SRGAP3: variants seen among roughly 807,000 people sequenced by gnomAD.
SRGAP3 encodes the protein SLIT-ROBO Rho GTPase activating protein 3.
A neutral mutation model predicts 121.1 loss-of-function variants in SRGAP3; 39 were observed. That is an observed-to-expected ratio of 0.32 (90% CI 0.25 to 0.42). The LOEUF is 0.42. Ranked by LOEUF, SRGAP3 falls within the 10% of genes least tolerant of loss-of-function variation. The pLI, the probability that SRGAP3 is intolerant of heterozygous loss-of-function variation, is 1.00. For missense variants in SRGAP3, 1,213 were observed against 1,470.6 expected (o/e 0.82, Z 2.86); for synonymous variants, 601 against 570.0 (o/e 1.05, Z -0.77).
chr3:9,088,126 C>A (rs1424934285), intron 3 of SRGAP3, among the ~76,000 whole-genome samples: 1 of 152,180 alleles, frequency 6.6e-6, no homozygotes, highest in East Asian at 1.9e-4. Context: ...TGATCTCCAG[C>A]GACACCATAC....
rs200724802 is a variant in SRGAP3, at chr3:8,993,040, G to A, written c.2424C>T (p.Ser808=). 3.3e-5 allele frequency: 53 copies of A among 1,614,128 alleles called. No homozygotes were observed. Among genetic ancestry groups the A allele is most frequent in the African/African-American group, 6.7e-5 (5 of 75,046 alleles). ...TGTCAGCCTTCTGGCTCAGGCTGTC[G>A]GAGAAGGCATCATCCCTGGGGAGAA... ...IVVQDMDDAF[S]DSLSQKADSE... Residue 808 remains serine (S), a synonymous_variant, in exon 20 of 22, where the codon TCC becomes TCT. Transcript: ENST00000383836.
intron 1 of SRGAP3, chr3:9,193,900 C>T (rs1951839936): frequency 6.6e-6 from 1 of 152,296 alleles, no homozygotes; most frequent in Non-Finnish European, 1.5e-5. Context: ...GCTGCAGCCG[C>T]CCTCGGAGGC....
intron 1 of SRGAP3, among the ~76,000 whole-genome samples, chr3:9,247,761 G>A (rs953561355): frequency 3.9e-5 from 6 of 152,212 alleles, no homozygotes; most frequent in Non-Finnish European, 8.8e-5. Context: ...TTCTAGGAGA[G>A]GCCACAACAC....
chr3:9,200,029 G>C (rs1952025268), intron 1 of SRGAP3, among the ~76,000 whole-genome samples: 1 of 152,226 alleles, frequency 6.6e-6, no homozygotes, highest in African/African-American at 2.4e-5. Context: ...TAGTAACCAG[G>C]AAAATGGCAT....
At chr3:9,044,471 A>G (rs1291652090) in intron 10 of SRGAP3, among the ~76,000 whole-genome samples, 1 of 152,246 alleles carries the variant, frequency 6.6e-6, no homozygotes, top group Non-Finnish European at 1.5e-5. Context: ...CGTGCTCATC[A>G]TGCTACTCAG....
chr3:9,135,063 C>T (rs1949593714), intron 1 of SRGAP3, among the ~76,000 whole-genome samples: 1 of 152,154 alleles, frequency 6.6e-6, no homozygotes, highest in Non-Finnish European at 1.5e-5. Context: ...CCAACACAGT[C>T]GCCACTAGCC....
Position 9,080,057 on chromosome 3 carries a change from C to A in SRGAP3, c.454G>T (p.Glu152Ter), listed in dbSNP as rs1286607543. Residue 152 changes from glutamate (E) to a stop codon, truncating the protein, a stop_gained, in exon 4 of 22, where the codon GAG (glutamate) becomes TAG (stop). Coordinates refer to ENST00000383836, the MANE Select transcript of SRGAP3 (RefSeq NM_014850.4). LOFTEE classifies it high-confidence loss of function. The stretch of plus-strand genomic sequence containing the variant: ...AGCTCATTGGTCACCTTCAGGAGCT[C>A]CTCGTGCATCTGCAGGCCAATCTCC... Reference protein sequence around the residue: ...SKEIGLQMHEELLKVTNELYT... With the variant: ...SKEIGLQMHE 4 of 1,589,276 alleles carry A rather than the reference C, an allele frequency of 2.5e-6. No homozygotes were observed. The highest frequency in any genetic ancestry group is 3.4e-6 in the Non-Finnish European group (4 of 1,167,198).
chr3:9,284,832 C>CAAA (rs368751790), intron 3 of SRGAP3, among the ~76,000 whole-genome samples: 16 of 111,402 alleles, frequency 1.4e-4, no homozygotes, highest in South Asian at 3.2e-4. Context: ...GAGTCTGCCT[C>CAAA]AAAAAAAAAA....
At chr3:9,131,146 C>T (rs1035675682) in intron 1 of SRGAP3, among the ~76,000 whole-genome samples, 3 of 152,222 alleles carry the variant, frequency 2.0e-5, no homozygotes, top group African/African-American at 7.2e-5. Context: ...GGGTTTTCTC[C>T]TTGAAGATTT....
At chr3:9,028,299 C>A (rs954717807) in intron 12 of SRGAP3, among the ~76,000 whole-genome samples, 3 of 152,320 alleles carry the variant, frequency 2.0e-5, no homozygotes, top group African/African-American at 7.2e-5. Flanking sequence ...GTGGGGAGAG[C>A]CACCCTCAAG....
At chr3:9,157,777 T>A (rs115907770) in intron 1 of SRGAP3, among the ~76,000 whole-genome samples, 1 of 152,236 alleles carries the variant, frequency 6.6e-6, no homozygotes, top group Non-Finnish European at 1.5e-5. Flanking sequence ...GGACAACTTA[T>A]ACATCTATAA....
chr3:9,069,002 T>C (rs939813645), intron 4 of SRGAP3, among the ~76,000 whole-genome samples: 3 of 152,214 alleles, frequency 2.0e-5, no homozygotes, highest in Admixed American at 2.0e-4. Context: ...ATCCCTGCTT[T>C]ACAGATGAGA....
At chr3:9,206,542 A>G (rs1357539358) in intron 1 of SRGAP3, among the ~76,000 whole-genome samples, 1 of 151,620 alleles carries the variant, frequency 6.6e-6, no homozygotes. Context: ...CTCATCTTCT[A>G]TTTCTCTCCC....
At chr3:9,120,876 G>A (rs1948980794) in intron 2 of SRGAP3, among the ~76,000 whole-genome samples, 1 of 152,222 alleles carries the variant, frequency 6.6e-6, no homozygotes, top group Non-Finnish European at 1.5e-5. Flanking sequence ...AGGGAACTCA[G>A]CCCAGGTGAG....
chr3:9,015,960 C>G, intron 14 of SRGAP3: 1 of 566,092 alleles, frequency 1.8e-6, no homozygotes, highest in South Asian at 2.1e-5. Flanking sequence ...TAATGAACGC[C>G]CATCACCCTT....
At chr3:9,213,851 A>C (rs1952528009) in intron 1 of SRGAP3, among the ~76,000 whole-genome samples, 1 of 151,770 alleles carries the variant, frequency 6.6e-6, no homozygotes, top group Admixed American at 6.6e-5. Flanking sequence ...CCAATTCCCT[A>C]AGCTTGTTGT....
At chr3:9,103,604 C>A (rs1448910359) in intron 3 of SRGAP3, among the ~76,000 whole-genome samples, 1 of 152,224 alleles carries the variant, frequency 6.6e-6, no homozygotes, top group Non-Finnish European at 1.5e-5. Context: ...TCCCAAACCA[C>A]TTTGCAATAA....
At chr3:9,030,761 G>A (rs190645674) in intron 12 of SRGAP3, among the ~76,000 whole-genome samples, 17 of 152,222 alleles carry the variant, frequency 1.1e-4, no homozygotes, top group African/African-American at 4.1e-4. Context: ...CAAGTATCCT[G>A]ACTGATCACC....
At chr3:9,291,471 T>C (rs547042545) in intron 3 of SRGAP3, among the ~76,000 whole-genome samples, 47 of 152,268 alleles carry the variant, frequency 3.1e-4, no homozygotes, top group African/African-American at 1.1e-3. Flanking sequence ...TAGCCTGGAA[T>C]ACATTTTATT....
Sources: gnomAD v4.1 joint callset for allele counts (sites outside exome capture counted in the v4.1 genomes callset) on GRCh38, gnomAD v4.1.1 for gene constraint, MANE v1.5 for transcripts, NCBI Gene and HGNC (gene_info 2026-07-23, HGNC 2026-07-21) for gene names.